The following SAR1B variants were observed in gnomAD, a reference collection of about 807,000 sequenced individuals.
SAR1B encodes the protein small COPII coat GTPase SAR1B.
In SAR1B, 23 loss-of-function variants were observed where a neutral mutation model predicts 26.8. That is an observed-to-expected ratio of 0.86 (90% CI 0.62 to 1.22). SAR1B has a LOEUF of 1.22. SAR1B is among the 50% of genes most tolerant of loss of function. SAR1B has a pLI of 0.00. For missense variants in SAR1B, 196 were observed against 232.8 expected (o/e 0.84, Z 1.03); for synonymous variants, 65 against 80.8 (o/e 0.80, Z 1.05).
rs892980644 is a variant in SAR1B at position 134,606,011 on chromosome 5, G to A, written c.*939C>T. On this transcript the variant is annotated 3_prime_UTR_variant, in exon 7 of 7. Coordinates refer to ENST00000402673, the MANE Select transcript of SAR1B (RefSeq NM_016103.4). ...ACTGGTGCCTGTCATTGCTTTTGGG[G>A]AAGAGGCACAGATTACCCCATTGGG... 6.6e-6 allele frequency: 1 copy of A among 152,202 alleles called. No homozygotes were observed. Among genetic ancestry groups the A allele is most frequent in the African/African-American group, 2.4e-5 (1 of 41,446 alleles). The allele number at this position is 152,202 out of a possible 1,614,324, so 9.4% of individuals were successfully genotyped here.
At chr5:134,632,451 G>C (rs912512808) in intron 1 of SAR1B, among the ~76,000 whole-genome samples, 1 of 152,180 alleles carries the variant, frequency 6.6e-6, no homozygotes, top group African/African-American at 2.4e-5. Context: ...CCCAGGGGAA[G>C]GAAGGGGCTT....
chr5:134,620,891 T>A (rs765159848), intron 3 of SAR1B, 42 bp downstream of exon 3: 1 of 1,610,186 alleles, frequency 6.2e-7, no homozygotes, highest in South Asian at 1.1e-5. Flanking sequence ...TGACTCAGCA[T>A]CATTTGATCA....
At chr5:134,619,580 T>C (rs909788307) in intron 3 of SAR1B, among the ~76,000 whole-genome samples, 1 of 151,430 alleles carries the variant, frequency 6.6e-6, no homozygotes, top group Admixed American at 6.6e-5. Context: ...CCCAGGCTGG[T>C]CTTAAACTCC....
chr5:134,623,983 T>A lies in SAR1B; in HGVS notation c.37A>T (p.Ser13Cys), dbSNP rs893598261. ...FIFDWIYSGFSSVLQFLGLYK... is the reference protein window; with the variant it reads ...FIFDWIYSGFCSVLQFLGLYK... ...TTACCTAAAAACTGTAGCACACTGC[T>A]GAAACCACTGTAAATCCAATCAAAT... The change falls in exon 2 of 7, where the codon AGC becomes TGC. Residue 13 changes from serine (S) to cysteine (C), a missense_variant. Ser to Cys is a moderately radical substitution (Grantham distance 112). Transcript: ENST00000402673. The A allele has an allele frequency of 1.9e-6, 3 of 1,611,360 alleles. No individual in the cohort carries two copies. Among genetic ancestry groups the A allele is most frequent in the Admixed American group, 1.7e-5 (1 of 60,000 alleles).
intron 1 of SAR1B, among the ~76,000 whole-genome samples, chr5:134,627,836 A>G (rs1765522999): frequency 6.9e-6 from 1 of 145,040 alleles, no homozygotes; most frequent in African/African-American, 2.5e-5. Context: ...AAATAAATAA[A>G]TAAATAAAAC....
chr5:134,630,350 G>A (rs1390080474), intron 1 of SAR1B, among the ~76,000 whole-genome samples: 1 of 151,614 alleles, frequency 6.6e-6, no homozygotes, highest in East Asian at 1.9e-4. Flanking sequence ...AGCTACTCGG[G>A]AGGCTGAGGC....
At chr5:134,626,697 G>C (rs1197323233) in intron 1 of SAR1B, among the ~76,000 whole-genome samples, 1 of 152,156 alleles carries the variant, frequency 6.6e-6, no homozygotes, top group African/African-American at 2.4e-5. Flanking sequence ...TTAAAGCCTT[G>C]TTCCATTAAA....
At position 134,632,755 on chromosome 5, in the gene SAR1B, A is replaced by G. The variant is rs540857458; in HGVS notation, c.-46T>C. The G allele has an allele frequency of 6.6e-6, 1 of 152,496 alleles. No individual in the cohort carries two copies. The highest frequency in any genetic ancestry group is 6.5e-5 in the Admixed American group (1 of 15,294). 9.4% of individuals were successfully genotyped at this position (152,496 alleles called of 1,614,324 possible). ...GCGACTGGAGGGAACGCAATCCCCTACTTGGCGTTGGCCGTACACCAGGAG... is the reference window on the plus strand; with the variant it reads ...GCGACTGGAGGGAACGCAATCCCCTGCTTGGCGTTGGCCGTACACCAGGAG... On this transcript the variant is annotated 5_prime_UTR_variant, in exon 1 of 7. An upstream open reading frame in the 5' UTR loses its in-frame stop. Coordinates refer to ENST00000402673, the MANE Select transcript of SAR1B (RefSeq NM_016103.4).
intron 1 of SAR1B, among the ~76,000 whole-genome samples, chr5:134,627,536 C>T (rs998796189): frequency 2.7e-5 from 4 of 150,778 alleles, no homozygotes; most frequent in African/African-American, 4.9e-5. Context: ...TGGTGGCTCA[C>T]GCCTGTAATC....
intron 4 of SAR1B, among the ~76,000 whole-genome samples, chr5:134,610,566 C>CAAAAAA (rs55682339): frequency 2.0e-4 from 8 of 39,026 alleles, no homozygotes; most frequent in African/African-American, 8.2e-4. Context: ...GACTCCGTCT[C>CAAAAAA]AAAAAAAAAA....
At position 134,612,678 on chromosome 5, in the gene SAR1B, A is replaced by AAAAAAAAAT; in HGVS notation, c.244+12_244+13insATTTTTTTT. 6 of 1,000,226 alleles carry AAAAAAAAAT rather than the reference A, an allele frequency of 6.0e-6. No homozygotes were observed. The highest frequency in any genetic ancestry group is 8.4e-6 in the Non-Finnish European group (6 of 716,888). The allele number at this position is 1,000,226 out of a possible 1,614,324, so 62.0% of individuals were successfully genotyped here. A position where few individuals can be genotyped will look rare whatever the true frequency, so the allele number is the denominator to read the frequency against. On this transcript the variant is annotated intron_variant, in intron 4 of 6. Transcript: ENST00000402673. ...AAAAAAAAAAAAAAAAAAAAAAAAA[A>AAAAAAAAAT]AAAGAATCTTACCTTGAACATGTCC...
At chr5:134,629,566 G>A (rs891420747) in intron 1 of SAR1B, among the ~76,000 whole-genome samples, 4 of 151,864 alleles carry the variant, frequency 2.6e-5, no homozygotes, top group Admixed American at 6.6e-5. Context: ...GCATGGTGGC[G>A]TGCACCTGTA....
intron 3 of SAR1B, among the ~76,000 whole-genome samples, chr5:134,620,291 G>A (rs1054626138): frequency 6.6e-6 from 1 of 151,610 alleles, no homozygotes; most frequent in Non-Finnish European, 1.5e-5. Flanking sequence ...GGGCGACAGA[G>A]TGAGACTCCA....
At chr5:134,621,943 G>A (rs1180551348) in intron 2 of SAR1B, among the ~76,000 whole-genome samples, 1 of 152,104 alleles carries the variant, frequency 6.6e-6, no homozygotes, top group African/African-American at 2.4e-5. Flanking sequence ...TCACCATGTT[G>A]GCCAGGCTGG....
rs1765213705 is a variant in SAR1B, at chr5:134,611,613, A to C, written c.244+1078T>G. On this transcript the variant is annotated intron_variant, in intron 4 of 6. Transcript: ENST00000402673. ...AAAAAACAGGATTTTAGTCCCCGCA[A>C]GTTTAATATAAGAGATAAGGCAGTC... 2.0e-5 allele frequency among the ~76,000 whole-genome samples: 3 copies of C among 152,106 alleles called. No individual in the cohort carries two copies. The South Asian group carries it at 6.2e-4, about 31-fold the overall frequency.
chr5:134,612,803 T>A, intron 3 of SAR1B, 47 bp from the exon 4 acceptor site: 1 of 1,532,912 alleles, frequency 6.5e-7, no homozygotes, highest in Non-Finnish European at 8.9e-7. Flanking sequence ...AGAAACCCAT[T>A]AATCGTGTAA....
intron 1 of SAR1B, among the ~76,000 whole-genome samples, chr5:134,628,069 G>GT (rs1472384956): frequency 6.6e-6 from 1 of 151,644 alleles, no homozygotes; most frequent in Non-Finnish European, 1.5e-5. Context: ...AACCTGGGAG[G>GT]CAGAGGTTGC....
At chr5:134,617,069 A>G (rs1765327281) in intron 3 of SAR1B, among the ~76,000 whole-genome samples, 1 of 152,052 alleles carries the variant, frequency 6.6e-6, no homozygotes, top group Non-Finnish European at 1.5e-5. Context: ...TATCTCTACA[A>G]ATAAATTAAA....
chr5:134,613,185 G>A (rs1187244909), intron 3 of SAR1B: 41 of 210,912 alleles, frequency 1.9e-4, no homozygotes. Context: ...CAGAATGTGA[G>A]GTCCCATTCC....
Sources: gnomAD v4.1 joint callset for allele counts (sites outside exome capture counted in the v4.1 genomes callset) on GRCh38, gnomAD v4.1.1 for gene constraint, MANE v1.5 for transcripts, NCBI Gene and HGNC (gene_info 2026-07-23, HGNC 2026-07-21) for gene names.